CCDC172: variants seen among roughly 807,000 people sequenced by gnomAD.
CCDC172 encodes coiled-coil domain-containing protein 172.
Under a neutral mutation model 38.0 loss-of-function variants are expected in CCDC172, and 30 were observed. That is an observed-to-expected ratio of 0.79 (90% CI 0.59 to 1.07). The LOEUF is 1.07. CCDC172 is among the 50% of genes least tolerant of loss of function. The probability of loss-of-function intolerance (pLI) is 0.00; values close to 1 mark genes in which losing one functional copy is unlikely to be tolerated. For missense variants in CCDC172, 297 were observed against 290.1 expected (o/e 1.02, Z -0.17); for synonymous variants, 78 against 88.3 (o/e 0.88, Z 0.66).
intron 5 of CCDC172, among the ~76,000 whole-genome samples, chr10:116,343,147 G>A (rs1341989795): frequency 6.6e-6 from 1 of 151,992 alleles, no homozygotes; most frequent in Non-Finnish European, 1.5e-5. Flanking sequence ...TTCTATTATA[G>A]CATTAGCTTA....
intron 5 of CCDC172, among the ~76,000 whole-genome samples, chr10:116,356,115 G>A (rs940968706): frequency 1.4e-4 from 22 of 152,088 alleles, no homozygotes; most frequent in Admixed American, 6.6e-5. Flanking sequence ...GGCAGAACAC[G>A]AGGTCAGGAG....
At position 116,361,032 on chromosome 10, in the gene CCDC172, CTATTATTATTATTATTATTATTATTAT is replaced by C. The variant is rs140026446; in HGVS notation, c.653+3120_653+3146del. ...ATTGGGCCTCTGTAAACCCCCAAAC[CTATTATTATTATTATTATTATTATTAT>C]TATTATTATTATTATTATTATTATT... is the stretch of plus-strand genomic sequence containing the variant. On this transcript the variant is annotated intron_variant, in intron 7 of 8. Coordinates refer to ENST00000333254, the MANE Select transcript of CCDC172 (RefSeq NM_198515.3). 1.3e-3 allele frequency among the ~76,000 whole-genome samples: 178 copies of C among 142,258 alleles called. 6 individuals carry two copies. Among genetic ancestry groups the C allele is most frequent in the Middle Eastern group, 7.3e-3 (2 of 274 alleles). 93.3% of individuals were successfully genotyped at this position (142,258 alleles called of 152,430 possible).
intron 3 of CCDC172, among the ~76,000 whole-genome samples, chr10:116,335,298 A>G (rs1227918571): frequency 6.6e-6 from 1 of 151,930 alleles, no homozygotes; most frequent in Non-Finnish European, 1.5e-5. Flanking sequence ...TTTATGATAC[A>G]GTATTTTGCA....
chr10:116,376,542 C>T (rs2134974415), intron 7 of CCDC172, among the ~76,000 whole-genome samples: 1 of 152,290 alleles, frequency 6.6e-6, no homozygotes, highest in Non-Finnish European at 1.5e-5. Flanking sequence ...ACATTAAATA[C>T]AGGTATAAAA....
At chr10:116,328,601 A>C (rs1844619620) in intron 3 of CCDC172, among the ~76,000 whole-genome samples, 1 of 152,128 alleles carries the variant, frequency 6.6e-6, no homozygotes. Context: ...TATTTTGTGA[A>C]TATTTTGTTT....
intron 5 of CCDC172, among the ~76,000 whole-genome samples, chr10:116,352,637 T>C (rs571142018): frequency 2.0e-5 from 3 of 152,136 alleles, no homozygotes; most frequent in South Asian, 4.1e-4. Flanking sequence ...AGGGCATCTA[T>C]AGAAAAACCC....
intron 4 of CCDC172, among the ~76,000 whole-genome samples, chr10:116,341,330 C>T (rs1844791188): frequency 6.6e-6 from 1 of 151,996 alleles, no homozygotes; most frequent in Non-Finnish European, 1.5e-5. Context: ...ATTAAAAATA[C>T]ATATCTGAAG....
chr10:116,327,162 G>A (rs1027074523), intron 3 of CCDC172, among the ~76,000 whole-genome samples: 1 of 152,094 alleles, frequency 6.6e-6, no homozygotes, highest in Non-Finnish European at 1.5e-5. Context: ...TTTTATGAGT[G>A]AGGAAACTGA....
Position 116,365,099 on chromosome 10 carries a change from T to C in CCDC172, c.653+7161T>C, listed in dbSNP as rs553216677. 5.4e-4 allele frequency among the ~76,000 whole-genome samples: 82 copies of C among 152,302 alleles called. 1 individual carries two copies. Among genetic ancestry groups the C allele is most frequent in the African/African-American group, 1.8e-3 (76 of 41,578 alleles). On this transcript the variant is annotated intron_variant, in intron 7 of 8. Transcript: ENST00000333254. ...TTGACTCCTGTAGGCAATCAGTCTA[T>C]GCACTGAAGCATGAGATCTACTTAC...
chr10:116,327,317 T>TA (rs1183676965), intron 3 of CCDC172, among the ~76,000 whole-genome samples: 1 of 152,194 alleles, frequency 6.6e-6, no homozygotes, highest in Non-Finnish European at 1.5e-5. Context: ...CATTCATGTA[T>TA]AATAATATAA....
chr10:116,379,374 T>C lies in CCDC172; in HGVS notation c.*16T>C. On this transcript the variant is annotated 3_prime_UTR_variant, in exon 9 of 9. Transcript: ENST00000333254. ...AAGCAAATAACTTACAGAGAATTGA[T>C]CAGCCATCTGAGATTTGATCAGAAT... 1 of 1,561,090 alleles carries C rather than the reference T, an allele frequency of 6.4e-7. No individual in the cohort carries two copies. The highest frequency in any genetic ancestry group is 2.3e-5 in the East Asian group (1 of 43,198).
chr10:116,360,219 T>C (rs1430264495), intron 7 of CCDC172, among the ~76,000 whole-genome samples: 2 of 152,188 alleles, frequency 1.3e-5, no homozygotes, highest in Non-Finnish European at 2.9e-5. Context: ...ATGACTGATC[T>C]GGTTTTTTCA....
At chr10:116,325,786 T>G (rs533889322) in intron 3 of CCDC172, among the ~76,000 whole-genome samples, 1 of 152,246 alleles carries the variant, frequency 6.6e-6, no homozygotes, top group Admixed American at 6.5e-5. Context: ...AACAAGCCCC[T>G]GCCTTTAGTT....
intron 5 of CCDC172, among the ~76,000 whole-genome samples, chr10:116,356,925 G>T (rs1462035790): frequency 6.6e-6 from 1 of 152,056 alleles, no homozygotes; most frequent in Non-Finnish European, 1.5e-5. Flanking sequence ...AATAAGTTCT[G>T]GTCAGTTTCT....
chr10:116,377,801 G>A (rs766216153), intron 7 of CCDC172, among the ~76,000 whole-genome samples: 33 of 152,134 alleles, frequency 2.2e-4, no homozygotes, highest in Admixed American at 4.6e-4. Flanking sequence ...GTTTGCTGGT[G>A]GCCAGGACTA....
intron 7 of CCDC172, among the ~76,000 whole-genome samples, chr10:116,366,297 C>T (rs919999907): frequency 2.6e-5 from 4 of 152,138 alleles, no homozygotes; most frequent in Admixed American, 2.0e-4. Flanking sequence ...CCCCAGATAT[C>T]GTTGATGTCC....
chr10:116,343,303 C>T (rs574618513), intron 5 of CCDC172, among the ~76,000 whole-genome samples: 55 of 152,200 alleles, frequency 3.6e-4, no homozygotes, highest in Non-Finnish European at 6.5e-4. Flanking sequence ...TCCCAATATA[C>T]TATGGTGAGA....
intron 7 of CCDC172, among the ~76,000 whole-genome samples, chr10:116,370,606 GAT>G (rs1392746483): frequency 6.6e-6 from 1 of 150,774 alleles, no homozygotes; most frequent in African/African-American, 2.4e-5. Flanking sequence ...AATTATAAAA[GAT>G]AAATAGTAGG....
chr10:116,335,684 G>T (rs1844721504), intron 3 of CCDC172, among the ~76,000 whole-genome samples: 1 of 151,924 alleles, frequency 6.6e-6, no homozygotes, highest in African/African-American at 2.4e-5. Context: ...TTTCATACAG[G>T]TCTCAGATAT....
Sources: allele counts gnomAD v4.1 joint callset (sites outside exome capture counted in the v4.1 genomes callset), GRCh38; gene constraint gnomAD v4.1.1; transcripts MANE v1.5; gene names NCBI Gene and HGNC (gene_info 2026-07-23, HGNC 2026-07-21).